The following LIPI variants were observed in gnomAD, a reference collection of about 807,000 sequenced individuals.
LIPI encodes the protein lipase member I.
LIPI carries 59 observed loss-of-function variants against 50.6 expected under a neutral mutation model. The observed-to-expected ratio is 1.16, with a 90% CI of 0.94 to 1.45. The LOEUF (loss-of-function observed/expected upper bound fraction) is 1.45, where lower values mean the gene tolerates loss of function less well. LIPI is among the 40% of genes most tolerant of loss of function. The pLI is 0.00. For missense variants in LIPI, 586 were observed against 536.3 expected (o/e 1.09, Z -0.92); for synonymous variants, 203 against 178.2 (o/e 1.14, Z -1.11).
chr21:14,134,111 G>GA (rs1471479811), intron 9 of LIPI, among the ~76,000 whole-genome samples: 2 of 151,952 alleles, frequency 1.3e-5, no homozygotes, highest in Non-Finnish European at 2.9e-5. Context: ...CATGCCTGTG[G>GA]TCCCAGCTAC....
chr21:14,133,200 C>A (rs1197192403), intron 9 of LIPI, among the ~76,000 whole-genome samples: 1 of 151,982 alleles, frequency 6.6e-6, no homozygotes, highest in African/African-American at 2.4e-5. Context: ...GATAAAGACA[C>A]AACAAAACTA....
At chr21:14,187,503 T>G (rs533400430) in intron 2 of LIPI, among the ~76,000 whole-genome samples, 1 of 152,348 alleles carries the variant, frequency 6.6e-6, no homozygotes, top group African/African-American at 2.4e-5. Flanking sequence ...ATGAAGCCTC[T>G]GTAAGCAAAG....
chr21:14,173,612 A>C (rs1307900516), intron 4 of LIPI, among the ~76,000 whole-genome samples: 1 of 152,226 alleles, frequency 6.6e-6, no homozygotes, highest in Non-Finnish European at 1.5e-5. Context: ...TGAACTCATG[A>C]AAGACATCAG....
At chr21:14,127,273 A>T (rs1310125546) in intron 9 of LIPI, among the ~76,000 whole-genome samples, 1 of 152,242 alleles carries the variant, frequency 6.6e-6, no homozygotes, top group Non-Finnish European at 1.5e-5. Context: ...ATTGCACATT[A>T]TCTGTATGGA....
At chr21:14,185,207 G>A (rs995583590) in intron 3 of LIPI, among the ~76,000 whole-genome samples, 1 of 151,966 alleles carries the variant, frequency 6.6e-6, no homozygotes, top group African/African-American at 2.4e-5. Context: ...AAATATGAAG[G>A]GGGACCCAGA....
chr21:14,184,594 C>T (rs2019390021), intron 3 of LIPI, among the ~76,000 whole-genome samples: 1 of 152,130 alleles, frequency 6.6e-6, no homozygotes, highest in South Asian at 2.1e-4. Context: ...ACCCACTTGA[C>T]TGAATGAGAC....
chr21:14,112,878 T>A (rs2016471882), intron 9 of LIPI, among the ~76,000 whole-genome samples: 1 of 152,180 alleles, frequency 6.6e-6, no homozygotes, highest in South Asian at 2.1e-4. Flanking sequence ...CTAATATTCT[T>A]TTAAAATGTT....
At chr21:14,115,660 G>C (rs11701744) in intron 9 of LIPI, among the ~76,000 whole-genome samples, 1 of 151,952 alleles carries the variant, frequency 6.6e-6, no homozygotes, top group Non-Finnish European at 1.5e-5. Flanking sequence ...GAAGGAGAAC[G>C]GTTTTCCCGT....
In LIPI at chr21:14,189,209, A is replaced by G; in HGVS notation, c.257T>C (p.Val86Ala). The G allele has an allele frequency of 6.2e-7, 1 of 1,614,086 alleles. No homozygotes were observed. The highest frequency in any genetic ancestry group is 8.5e-7 in the Non-Finnish European group (1 of 1,179,956). Residue 86 changes from valine to alanine, a missense_variant, in exon 2 of 10, where the codon GTA becomes GCA. Physicochemically the swap from Val to Ala is moderately conservative, Grantham distance 64. Transcript: ENST00000681601. Reference protein sequence around the residue: ...TVWLIHGYRPVGSIPLWLQNF... With the variant: ...TVWLIHGYRPAGSIPLWLQNF... ...CTGAAGCCATAATGGGATGGAGCCT[A>G]CTGGTCTGTATCCGTGAATAAGCCA...
chr21:14,172,897 A>G lies in LIPI; in HGVS notation c.644-6446T>C, dbSNP rs542941287. 7.2e-5 allele frequency among the ~76,000 whole-genome samples: 11 copies of G among 152,292 alleles called. No individual in the cohort carries two copies. In the South Asian group the frequency reaches 2.3e-3, roughly 32 times the overall value. ...TAAAATAAAATAAAAAGAAAAAAGAATAGAGCAAAATTCCTTGCAGTCGAA... is the reference window on the plus strand; with the variant it reads ...TAAAATAAAATAAAAAGAAAAAAGAGTAGAGCAAAATTCCTTGCAGTCGAA... On this transcript the variant is annotated intron_variant, in intron 4 of 9. Coordinates refer to ENST00000681601, the MANE Select transcript of LIPI (RefSeq NM_001302998.2).
intron 7 of LIPI, among the ~76,000 whole-genome samples, chr21:14,153,241 T>C (rs528278998): frequency 6.6e-6 from 1 of 152,310 alleles, no homozygotes; most frequent in South Asian, 2.1e-4. Context: ...AACTCACTTC[T>C]ATATATTGCC....
chr21:14,124,339 G>A (rs1011410245), intron 9 of LIPI, among the ~76,000 whole-genome samples: 18 of 152,282 alleles, frequency 1.2e-4, no homozygotes, highest in African/African-American at 4.3e-4. Flanking sequence ...AATTTTACAA[G>A]TATAATCAAA....
intron 9 of LIPI, among the ~76,000 whole-genome samples, chr21:14,123,231 G>A (rs2016930625): frequency 6.6e-6 from 1 of 152,216 alleles, no homozygotes; most frequent in African/African-American, 2.4e-5. Flanking sequence ...GATACAACCT[G>A]TTTAGATCAG....
rs570787838 is a variant in LIPI, at chr21:14,171,543, G to C, written c.644-5092C>G. Among the ~76,000 whole-genome samples, 12 of 150,020 alleles carry C rather than the reference G, an allele frequency of 8.0e-5. No individual in the cohort carries two copies. In the South Asian group the frequency reaches 2.6e-3, roughly 32 times the overall value. On this transcript the variant is annotated intron_variant, in intron 4 of 9. Coordinates refer to ENST00000681601, the MANE Select transcript of LIPI (RefSeq NM_001302998.2). ...ATATAGATCAATGGAACAGAACAGA[G>C]CTCTCAGAAACAATGCCGCATATCT...
At chr21:14,167,361 T>C (rs974273507) in intron 4 of LIPI, among the ~76,000 whole-genome samples, 3 of 152,204 alleles carry the variant, frequency 2.0e-5, no homozygotes, top group South Asian at 2.1e-4. Flanking sequence ...AAGAGAGCTG[T>C]GGTTCTCCCA....
In LIPI at chr21:14,196,836, A is replaced by G. The variant is rs982565793; in HGVS notation, c.47-7417T>C. On this transcript the variant is annotated intron_variant, in intron 1 of 9. Coordinates refer to ENST00000681601, the MANE Select transcript of LIPI (RefSeq NM_001302998.2). Reference sequence around the variant, plus strand: ...AGGAGAACCTATCTCAACAACAACAACAAAAAATAATCAAAGTACATTTAA... The same window carrying G: ...AGGAGAACCTATCTCAACAACAACAGCAAAAAATAATCAAAGTACATTTAA... 7.2e-5 allele frequency among the ~76,000 whole-genome samples: 11 copies of G among 152,240 alleles called. No homozygotes were observed. The East Asian group carries it at 9.6e-4, about 13-fold the overall frequency.
chr21:14,196,963 A>G (rs2019884523), intron 1 of LIPI, among the ~76,000 whole-genome samples: 1 of 152,048 alleles, frequency 6.6e-6, no homozygotes, highest in Non-Finnish European at 1.5e-5. Context: ...AAAAATATAA[A>G]GTTCAACAAA....
chr21:14,194,756 G>A (rs954755386), intron 1 of LIPI, among the ~76,000 whole-genome samples: 4 of 152,182 alleles, frequency 2.6e-5, no homozygotes, highest in African/African-American at 9.6e-5. Flanking sequence ...TTGCATGACA[G>A]TGTGCATGCA....
chr21:14,172,117 T>C (rs1258257977), intron 4 of LIPI, among the ~76,000 whole-genome samples: 2 of 151,816 alleles, frequency 1.3e-5, no homozygotes, highest in African/African-American at 4.8e-5. Flanking sequence ...CATGAAAAAA[T>C]GCTCACCATC....
Sources: gnomAD v4.1 joint callset for allele counts (sites outside exome capture counted in the v4.1 genomes callset) on GRCh38, gnomAD v4.1.1 for gene constraint, MANE v1.5 for transcripts, NCBI Gene and HGNC (gene_info 2026-07-23, HGNC 2026-07-21) for gene names.